The following GALNT10 variants were observed in gnomAD, a reference collection of about 807,000 sequenced individuals.
The protein encoded by GALNT10 is polypeptide N-acetylgalactosaminyltransferase 10.
GALNT10 carries 41 observed loss-of-function variants against 75.0 expected under a neutral mutation model. The observed-to-expected ratio is 0.55, with a 90% CI of 0.43 to 0.71. GALNT10 has a LOEUF of 0.71. GALNT10 is among the 30% of genes least tolerant of loss of function. The probability of loss-of-function intolerance (pLI) is 0.00; values close to 1 mark genes in which losing one functional copy is unlikely to be tolerated. For synonymous variants in GALNT10, 302 were observed against 313.0 expected, an observed-to-expected ratio of 0.96 and a Z score of 0.37; for missense variants, 727 against 818.5, an observed-to-expected ratio of 0.89 and a Z score of 1.36.
rs573266779 is a variant in GALNT10 at position 154,329,267 on chromosome 5, T to C, written c.402-305T>C. ...CTATAGTTCTTATTATAAATCACAA[T>C]ATCACAGCTGGACAGAGAGGCCAGA... On this transcript the variant is annotated intron_variant, in intron 3 of 11. Coordinates refer to ENST00000297107, the MANE Select transcript of GALNT10 (RefSeq NM_198321.4). Among the ~76,000 whole-genome samples, 7 of 152,282 alleles carry C rather than the reference T, an allele frequency of 4.6e-5. No individual in the cohort carries two copies. The East Asian group carries it at 9.7e-4, about 21-fold the overall frequency.
chr5:154,409,862 A>G lies in GALNT10; in HGVS notation c.1386+100A>G. ...AGGTAGAAAGTCAGTGCAGGGAGGA[A>G]AGGCGTGAATATAAAATCGTTTCCT... On this transcript the variant is annotated intron_variant, in intron 9 of 11. Transcript: ENST00000297107. The surrounding 1 kb of genome is among the most constrained non-coding windows in gnomAD (Gnocchi z 4.5). 1.3e-6 allele frequency: 1 copy of G among 792,204 alleles called. No homozygotes were observed. Among genetic ancestry groups the G allele is most frequent in the Middle Eastern group, 3.4e-4 (1 of 2,964 alleles). The allele number at this position is 792,204 out of a possible 1,614,324, so 49.1% of individuals were successfully genotyped here. A position where few individuals can be genotyped will look rare whatever the true frequency, so the allele number is the denominator to read the frequency against.
At chr5:154,245,855 C>T (rs1273258430) in intron 1 of GALNT10, among the ~76,000 whole-genome samples, 9 of 148,144 alleles carry the variant, frequency 6.1e-5, no homozygotes, top group Admixed American at 3.4e-4. Context: ...ATGTGCACAA[C>T]GTGCAGGTTT....
chr5:154,363,492 G>GA lies in GALNT10; in HGVS notation c.569-12756dup, dbSNP rs57710576. ...AAGGATTTTGTGCCAGCGTTTATCT[G>GA]AAAAAAAAAAAAAAAAAAAAAAAAA... On this transcript the variant is annotated intron_variant, in intron 4 of 11. Transcript: ENST00000297107. 8.1e-3 allele frequency among the ~76,000 whole-genome samples: 304 copies of GA among 37,502 alleles called. 28 individuals are homozygous for GA. Among genetic ancestry groups the GA allele is most frequent in the African/African-American group, 0.011 (141 of 12,670 alleles). 24.6% of individuals were successfully genotyped at this position (37,502 alleles called of 152,430 possible). A position where few individuals can be genotyped will look rare whatever the true frequency, so the allele number is the denominator to read the frequency against.
At chr5:154,211,682 A>T (rs1775200162) in intron 1 of GALNT10, among the ~76,000 whole-genome samples, 1 of 152,166 alleles carries the variant, frequency 6.6e-6, no homozygotes, top group African/African-American at 2.4e-5. Flanking sequence ...CGCTATCAAG[A>T]TGTTGGCCAG....
At chr5:154,207,218 A>C (rs1312040007) in intron 1 of GALNT10, among the ~76,000 whole-genome samples, 2 of 152,210 alleles carry the variant, frequency 1.3e-5, no homozygotes, top group Non-Finnish European at 2.9e-5. Context: ...CTGCTGGATA[A>C]ATGACATATT....
chr5:154,299,466 G>A (rs1213622899), intron 3 of GALNT10, among the ~76,000 whole-genome samples: 1 of 152,208 alleles, frequency 6.6e-6, no homozygotes, highest in Admixed American at 6.5e-5. Context: ...AAGAGATGGA[G>A]CCAGAATTTG....
At chr5:154,380,062 C>G (rs1403906901) in intron 5 of GALNT10, among the ~76,000 whole-genome samples, 1 of 152,152 alleles carries the variant, frequency 6.6e-6, no homozygotes, top group Non-Finnish European at 1.5e-5. Context: ...CAGGGGCCTT[C>G]CCAGAAGGAA....
intron 4 of GALNT10, among the ~76,000 whole-genome samples, chr5:154,367,308 C>A (rs1002968337): frequency 6.6e-6 from 1 of 152,134 alleles, no homozygotes; most frequent in Non-Finnish European, 1.5e-5. Flanking sequence ...AACCAGTTTC[C>A]CTGGGGGTTC....
In GALNT10 at chr5:154,225,102, GT is replaced by G. The variant is rs796825869; in HGVS notation, c.159+34086del. Among the ~76,000 whole-genome samples, 3 of 147,450 alleles carry G rather than the reference GT, an allele frequency of 2.0e-5. No homozygotes were observed. In the East Asian group the frequency reaches 6.0e-4, roughly 29 times the overall value. On this transcript the variant is annotated intron_variant, in intron 1 of 11. Coordinates refer to ENST00000297107, the MANE Select transcript of GALNT10 (RefSeq NM_198321.4). The stretch of plus-strand genomic sequence containing the variant: ...TGGCCTTTTTGGGGTTTTTTTGTTT[GT>G]TTTTTTTTAGACAGAGTCTTGCTCT...
intron 7 of GALNT10, chr5:154,393,076 A>AAAAAAC (rs1361485484): frequency 1.4e-5 from 2 of 145,204 alleles, no homozygotes; most frequent in Admixed American, 7.2e-5. Context: ...AAAAAAAAAA[A>AAAAAAC]AACCCATTTT....
chr5:154,345,236 T>C (rs12519335), intron 4 of GALNT10, among the ~76,000 whole-genome samples: 60,200 of 152,048 alleles, frequency 0.4, 13,255 homozygotes, highest in East Asian at 0.59. Context: ...TATATATACA[T>C]TGTGAAGTCA....
intron 3 of GALNT10, among the ~76,000 whole-genome samples, chr5:154,303,561 C>T (rs550450362): frequency 2.6e-5 from 4 of 152,266 alleles, no homozygotes; most frequent in South Asian, 2.1e-4. Flanking sequence ...TTCCTCTTCC[C>T]ACCACCCAGA....
chr5:154,382,566 T>A (rs1053892222), intron 6 of GALNT10, among the ~76,000 whole-genome samples: 2 of 152,190 alleles, frequency 1.3e-5, no homozygotes, highest in Non-Finnish European at 2.9e-5. Flanking sequence ...CTTATAATAA[T>A]GTAGGATCCT....
chr5:154,214,447 T>A lies in GALNT10; in HGVS notation c.159+23422T>A, dbSNP rs924558345. 3.3e-5 allele frequency among the ~76,000 whole-genome samples: 5 copies of A among 152,280 alleles called. No homozygotes were observed. The East Asian group carries it at 7.7e-4, about 23-fold the overall frequency. On this transcript the variant is annotated intron_variant, in intron 1 of 11. Coordinates refer to ENST00000297107, the MANE Select transcript of GALNT10 (RefSeq NM_198321.4). Reference sequence around the variant, plus strand: ...AGCGAGCACTCATCACCGGTGGGAATGATAGAGCCTAATTTGGAAAAAGGA... The same window carrying A: ...AGCGAGCACTCATCACCGGTGGGAAAGATAGAGCCTAATTTGGAAAAAGGA...
chr5:154,347,185 G>A (rs1352635967), intron 4 of GALNT10: 1 of 501,416 alleles, frequency 2.0e-6, no homozygotes, highest in Non-Finnish European at 4.0e-6. Flanking sequence ...GGCATTGTCT[G>A]ATATACAACA....
chr5:154,363,933 TAA>T (rs1755435913), intron 4 of GALNT10, among the ~76,000 whole-genome samples: 1 of 151,868 alleles, frequency 6.6e-6, no homozygotes, highest in African/African-American at 2.4e-5. Context: ...CAAAATATGT[TAA>T]GTTATGATCG....
chr5:154,323,858 G>A (rs1200376824), intron 3 of GALNT10, among the ~76,000 whole-genome samples: 1 of 152,200 alleles, frequency 6.6e-6, no homozygotes. Context: ...CCCATTACAG[G>A]GGCAGGGCTG....
chr5:154,357,641 C>G (rs975394260), intron 4 of GALNT10, among the ~76,000 whole-genome samples: 1 of 152,172 alleles, frequency 6.6e-6, no homozygotes, highest in Non-Finnish European at 1.5e-5. Flanking sequence ...CCATAAAAAT[C>G]TGCTTCTCCA....
chr5:154,336,381 A>T (rs956671527), intron 4 of GALNT10, among the ~76,000 whole-genome samples: 8 of 152,198 alleles, frequency 5.3e-5, no homozygotes, highest in Admixed American at 4.6e-4. Context: ...ATTTGGTAAG[A>T]GTATATATAG....
Sources: gnomAD v4.1 joint callset for allele counts (sites outside exome capture counted in the v4.1 genomes callset) on GRCh38, gnomAD v4.1.1 for gene constraint, Gnocchi (gnomAD v3.1) non-coding constraint, MANE v1.5 for transcripts, NCBI Gene and HGNC (gene_info 2026-07-23, HGNC 2026-07-21) for gene names.